KRIT1: variants seen among roughly 807,000 people sequenced by gnomAD.
KRIT1 encodes the protein krev interaction trapped protein 1.
A neutral mutation model predicts 95.8 loss-of-function variants in KRIT1; 45 were observed. That is an observed-to-expected ratio of 0.47 (90% confidence interval 0.37 to 0.60). The LOEUF is 0.60. Ranked by LOEUF, KRIT1 falls within the 20% of genes least tolerant of loss-of-function variation. The pLI is 0.00. For synonymous variants in KRIT1, 282 were observed against 278.8 expected, an observed-to-expected ratio of 1.01 and a Z score of -0.11; for missense variants, 788 against 877.5, an observed-to-expected ratio of 0.90 and a Z score of 1.29.
intron 8 of KRIT1, among the ~76,000 whole-genome samples, 178 bp from the exon 9 acceptor site, chr7:92,235,101 G>A (rs1449243635): frequency 6.6e-6 from 1 of 152,154 alleles, no homozygotes; most frequent in East Asian, 1.9e-4. Flanking sequence ...CCAGGTTCAA[G>A]CGATTCTCCT....
At position 92,243,381 on chromosome 7, in the gene KRIT1, T is replaced by G. The variant is rs1358098125; in HGVS notation, c.-3+621A>C. 2.6e-5 allele frequency among the ~76,000 whole-genome samples: 4 copies of G among 152,350 alleles called. No individual in the cohort carries two copies. The East Asian group carries it at 5.8e-4, about 22-fold the overall frequency. On this transcript the variant is annotated intron_variant, in intron 3 of 18. Coordinates refer to ENST00000394505, the MANE Select transcript of KRIT1 (RefSeq NM_194454.3). ...TTCTCCCCATTTATTTGTCAGTAAA[T>G]TTCTAAAAGAACATTAAAGAGTTTC... is the stretch of plus-strand genomic sequence containing the variant.
At chr7:92,215,093 T>G (rs10271533) in intron 14 of KRIT1, among the ~76,000 whole-genome samples, 2 of 151,932 alleles carry the variant, frequency 1.3e-5, no homozygotes, top group African/African-American at 4.8e-5. Context: ...AATTTCAAAA[T>G]ATTTCGCTGA....
rs775749438 is a variant in KRIT1 at position 92,236,471 on chromosome 7, T to C, written c.427A>G (p.Ser143Gly). 1.7e-5 allele frequency: 27 copies of C among 1,594,506 alleles called. No individual in the cohort carries two copies. The highest frequency in any genetic ancestry group is 2.2e-5 in the Non-Finnish European group (26 of 1,162,524). Residue 143 changes from serine (S) to glycine (G), a missense_variant, in exon 7 of 19, where the codon AGT (serine) becomes GGT (glycine). Around this residue, in one of 3 missense-constraint regions of KRIT1, gnomAD observed 289 missense variants for 277.5 expected, o/e 1.04. Coordinates refer to ENST00000394505, the MANE Select transcript of KRIT1 (RefSeq NM_194454.3). ...YCLQDIMRVCSESSTHFATLT... is the reference protein window; with the variant it reads ...YCLQDIMRVCGESSTHFATLT... ...GTAGCAAAATGAGTACTGGATTCAC[T>C]ACAGACTCGCATAATATCTTGTAAG... is the stretch of plus-strand genomic sequence containing the variant.
chr7:92,226,395 T>C, intron 11 of KRIT1, 131 bp downstream of exon 11: 1 of 733,238 alleles, frequency 1.4e-6, no homozygotes, highest in Non-Finnish European at 2.4e-6. Flanking sequence ...TTCCGTTACT[T>C]ATTCTATAAA....
chr7:92,220,955 T>C (rs1795016605), intron 14 of KRIT1, among the ~76,000 whole-genome samples: 2 of 151,818 alleles, frequency 1.3e-5, no homozygotes, highest in African/African-American at 4.8e-5. Context: ...CCCAAAGTGC[T>C]GGGATTACAG....
chr7:92,214,688 C>G lies in KRIT1; in HGVS notation c.1653G>C (p.Leu551=), dbSNP rs2131327143. ...GCAAAAGCAGACTTGCCAATGTTAT[C>G]AGCTTAGCATCAGGAGCTGTATAAA... ...KGFYTAPDAK[L]ITLASLLLQI... The change falls in exon 15 of 19, where the codon CTG becomes CTC. Residue 551 remains leucine, a synonymous_variant. Transcript: ENST00000394505. 1 of 1,610,780 alleles carries G rather than the reference C, an allele frequency of 6.2e-7. No homozygotes were observed. Among genetic ancestry groups the G allele is most frequent in the Non-Finnish European group, 8.5e-7 (1 of 1,177,082 alleles).
chr7:92,242,195 G>A, intron 3 of KRIT1, 58 bp from the exon 4 acceptor site: 2 of 975,430 alleles, frequency 2.1e-6, no homozygotes, highest in Admixed American at 1.8e-5. Context: ...TTGATGGCAA[G>A]ATAAAAAAAA....
intron 10 of KRIT1, among the ~76,000 whole-genome samples, chr7:92,232,679 T>TA (rs1797559056): frequency 6.6e-6 from 1 of 152,148 alleles, no homozygotes; most frequent in Non-Finnish European, 1.5e-5. Flanking sequence ...TAGCTCCTGG[T>TA]AAAGCATGTG....
chr7:92,222,916 T>C lies in KRIT1; in HGVS notation c.1317A>G (p.Gly439=). ...GSYRSVELKH[G]NNTTVQQIME... is the part of the protein sequence containing the mutation. Reference sequence around the variant, plus strand: ...TTATCTGCTGCACTGTGGTATTATTTCCATGCTTCAATTCAACAGAACGAT... The same window carrying C: ...TTATCTGCTGCACTGTGGTATTATTCCCATGCTTCAATTCAACAGAACGAT... The change falls in exon 13 of 19, where the codon GGA becomes GGG. Residue 439 remains glycine (G), a synonymous_variant. Transcript: ENST00000394505. 6.2e-7 allele frequency: 1 copy of C among 1,606,442 alleles called. No homozygotes were observed. Among genetic ancestry groups the C allele is most frequent in the Non-Finnish European group, 8.5e-7 (1 of 1,173,148 alleles).
At position 92,222,020 on chromosome 7, in the gene KRIT1, T is replaced by C. The variant is rs1387088108; in HGVS notation, c.1445A>G (p.Gln482Arg). 6.2e-7 allele frequency: 1 copy of C among 1,613,828 alleles called. No individual in the cohort carries two copies. Among genetic ancestry groups the C allele is most frequent in the Non-Finnish European group, 8.5e-7 (1 of 1,179,740 alleles). The change falls in exon 14 of 19, where the codon CAA becomes CGA. Residue 482 changes from glutamine to arginine, a missense_variant. By Grantham distance (43) the Gln-to-Arg change is conservative. Coordinates refer to ENST00000394505, the MANE Select transcript of KRIT1 (RefSeq NM_194454.3). ...TATTTCTGGCCAGTCACGAACATGT[T>C]GCAAGGGTTTATGATATGGTTTGAG... ...LQLKPYHKPL[Q>R]HVRDWPEILA... is the part of the protein sequence containing the mutation.
intron 17 of KRIT1, among the ~76,000 whole-genome samples, chr7:92,204,631 C>A (rs1472773772): frequency 6.6e-6 from 1 of 151,896 alleles, no homozygotes; most frequent in African/African-American, 2.4e-5. Context: ...AAACCTAGAT[C>A]CCTTGCATGT....
In KRIT1 at chr7:92,225,860, C is replaced by T. The variant is rs554449025; in HGVS notation, c.1147-33G>A. On this transcript the variant is annotated intron_variant, in intron 11 of 18. Transcript: ENST00000394505. ...TGTGGGTGGGGAGGGGGAAAAAAGG[C>T]ATTACATATTATGGTATTCTAAGGG... 2.8e-6 allele frequency: 3 copies of T among 1,088,826 alleles called. No individual in the cohort carries two copies. In the East Asian group the frequency reaches 7.1e-5, roughly 26 times the overall value. The allele number at this position is 1,088,826 out of a possible 1,614,324, so 67.4% of individuals were successfully genotyped here. A position where few individuals can be genotyped will look rare whatever the true frequency, so the allele number is the denominator to read the frequency against.
At chr7:92,216,460 C>T (rs1794019575) in intron 14 of KRIT1, among the ~76,000 whole-genome samples, 3 of 151,552 alleles carry the variant, frequency 2.0e-5, no homozygotes, top group African/African-American at 2.4e-5. Flanking sequence ...GACTAGATCC[C>T]GGGGCTGGGA....
At position 92,211,311 on chromosome 7, in the gene KRIT1, AT is replaced by A. The variant is rs1242649854; in HGVS notation, c.2025+1883del. Among the ~76,000 whole-genome samples the A allele has an allele frequency of 3.9e-5, 6 of 152,262 alleles. No homozygotes were observed. The East Asian group carries it at 1.2e-3, about 29-fold the overall frequency. On this transcript the variant is annotated intron_variant, in intron 17 of 18. Coordinates refer to ENST00000394505, the MANE Select transcript of KRIT1 (RefSeq NM_194454.3). ...GATGAATGAATAAAGAAAACGTGGT[AT>A]ATATGCACAATGAAATATTATTCAG...
At position 92,234,837 on chromosome 7, in the gene KRIT1, C is replaced by G. The variant is rs1170498982; in HGVS notation, c.816G>C (p.Gln272His). ...CTTCTGTGACACTGCTCATGCTTCT[C>G]TGCCATTTTTCCTGTTTAGGTATTT... ...KIQIPKQEKW[Q>H]RSMSSVTEDK... The change falls in exon 9 of 19, where the codon CAG becomes CAC. Residue 272 changes from glutamine to histidine, a missense_variant. Physicochemically the swap from Gln to His is conservative, Grantham distance 24. Coordinates refer to ENST00000394505, the MANE Select transcript of KRIT1 (RefSeq NM_194454.3). 3 of 1,607,788 alleles carry G rather than the reference C, an allele frequency of 1.9e-6. No individual in the cohort carries two copies. The highest frequency in any genetic ancestry group is 2.6e-6 in the Non-Finnish European group (3 of 1,174,270).
At chr7:92,245,944 A>G (rs745344627), upstream of KRIT1, 1 of 246,536 alleles carries the variant, frequency 4.1e-6, no homozygotes, top group Non-Finnish European at 7.9e-6. Flanking sequence ...CACCCTTTGC[A>G]GCCTCGCGGT....
chr7:92,234,746 A>T, intron 9 of KRIT1, 62 bp downstream of exon 9: 1 of 1,173,624 alleles, frequency 8.5e-7, no homozygotes. Context: ...AATTTTAAAC[A>T]ATACTTTAAA....
intron 17 of KRIT1, among the ~76,000 whole-genome samples, chr7:92,210,257 A>T (rs1253166070): frequency 1.3e-5 from 2 of 152,216 alleles, no homozygotes; most frequent in Admixed American, 6.5e-5. Flanking sequence ...AAAAGAACAA[A>T]GCTGGAGGCA....
intron 5 of KRIT1, 167 bp downstream of exon 5, chr7:92,240,826 T>G: frequency 1.6e-6 from 1 of 626,636 alleles, no homozygotes; most frequent in East Asian, 2.8e-5. Context: ...TCAAGTTACA[T>G]CTTGAAGGGG....
Sources: allele counts gnomAD v4.1 joint callset (sites outside exome capture counted in the v4.1 genomes callset), GRCh38; gene constraint gnomAD v4.1.1; regional missense constraint gnomAD v4.1.1; transcripts MANE v1.5; gene names NCBI Gene and HGNC (gene_info 2026-07-23, HGNC 2026-07-21).